Variants in DUSP29 observed in about 807,000 individuals in gnomAD.
DUSP29 encodes atypical dual-specific protein phosphatase.
DUSP29 carries 12 observed loss-of-function variants against 13.5 expected under a neutral mutation model. The observed-to-expected ratio is 0.89, with a 90% confidence interval of 0.57 to 1.44. DUSP29 has a LOEUF of 1.44. Ranked by LOEUF, DUSP29 falls within the 40% of genes most tolerant of loss-of-function variation. DUSP29 has a pLI of 0.00. For synonymous variants in DUSP29, 134 were observed against 128.7 expected (o/e 1.04, Z -0.28); for missense variants, 308 against 301.1 (o/e 1.02, Z -0.17).
chr10:75,041,536 C>T (rs751150882), intron 3 of DUSP29, among the ~76,000 whole-genome samples: 2 of 152,288 alleles, frequency 1.3e-5, no homozygotes, highest in African/African-American at 2.4e-5. Flanking sequence ...CACACCCCTC[C>T]GCTGTACATG....
At chr10:75,062,303 G>A (rs1433987940) in intron 1 of DUSP29, among the ~76,000 whole-genome samples, 4 of 152,228 alleles carry the variant, frequency 2.6e-5, no homozygotes, top group African/African-American at 9.6e-5. Context: ...AACCCTGCCT[G>A]CGGTTAATGG....
intron 3 of DUSP29, among the ~76,000 whole-genome samples, chr10:75,040,763 C>T (rs1289085572): frequency 6.6e-6 from 1 of 152,166 alleles, no homozygotes. Flanking sequence ...TTCTCTGGGC[C>T]TCTGTTTGCC....
At chr10:75,071,687 A>T (rs563706362) in intron 1 of DUSP29, among the ~76,000 whole-genome samples, 35 of 152,332 alleles carry the variant, frequency 2.3e-4, no homozygotes, top group Non-Finnish European at 2.6e-4. Flanking sequence ...GAGGAGGGCC[A>T]GGAAGTGCTG....
intron 2 of DUSP29, among the ~76,000 whole-genome samples, chr10:75,056,476 C>T (rs187627142): frequency 5.3e-5 from 8 of 150,128 alleles, no homozygotes; most frequent in Non-Finnish European, 8.9e-5. Flanking sequence ...TGCAGTGAGC[C>T]GAGATTGCGC....
intron 2 of DUSP29, among the ~76,000 whole-genome samples, chr10:75,048,346 C>CT (rs1054469619): frequency 2.0e-5 from 3 of 149,618 alleles, no homozygotes; most frequent in African/African-American, 7.4e-5. Context: ...TTTTTGTAAC[C>CT]TTTTTTTTAC....
chr10:75,072,456 TCTCCTCAGA>T (rs1395420791), intron 1 of DUSP29, among the ~76,000 whole-genome samples: 2 of 152,054 alleles, frequency 1.3e-5, no homozygotes, highest in Admixed American at 1.3e-4. Context: ...TCCCACTAAC[TCTCCTCAGA>T]CCCACCCCAT....
At chr10:75,064,232 G>A (rs953624683) in intron 1 of DUSP29, among the ~76,000 whole-genome samples, 36 of 151,858 alleles carry the variant, frequency 2.4e-4, no homozygotes, top group African/African-American at 8.2e-4. Context: ...TTTTGTAGCC[G>A]GGCACGGTGG....
At position 75,043,951 on chromosome 10, in the gene DUSP29, G is replaced by T. The variant is rs374490639; in HGVS notation, c.267C>A (p.His89Gln). 6.2e-7 allele frequency: 1 copy of T among 1,613,524 alleles called. No individual in the cohort carries two copies. The highest frequency in any genetic ancestry group is 2.2e-5 in the East Asian group (1 of 44,876). ...GCCCAGTGTCCACGTTCCAGCGGCC[G>T]TGGGCCGCGTTCAGCACGTGCGTGA... ...AGFTHVLNAA[H>Q]GRWNVDTGPD... The change falls in exon 3 of 4, where the codon CAC becomes CAA. Residue 89 changes from histidine (H) to glutamine (Q), a missense_variant. Transcript: ENST00000338487.
At chr10:75,040,336 G>C (rs536299531) in intron 3 of DUSP29, among the ~76,000 whole-genome samples, 5 of 152,284 alleles carry the variant, frequency 3.3e-5, no homozygotes, top group African/African-American at 1.2e-4. Flanking sequence ...GCAGGCCATG[G>C]ACTGCCAAAA....
intron 1 of DUSP29, among the ~76,000 whole-genome samples, chr10:75,073,049 C>T (rs11597189): frequency 6.6e-6 from 1 of 151,444 alleles, no homozygotes; most frequent in Admixed American, 6.6e-5. Flanking sequence ...CCCACCAGGA[C>T]TGAGAAATGC....
At chr10:75,058,290 A>G in intron 2 of DUSP29, 25 bp downstream of exon 2, 13 of 1,597,454 alleles carry the variant, frequency 8.1e-6, no homozygotes, top group Non-Finnish European at 1.1e-5. Flanking sequence ...CCTGCTCCCA[A>G]GCGAGCCTGG....
intron 3 of DUSP29, among the ~76,000 whole-genome samples, chr10:75,038,554 T>C (rs912243599): frequency 6.6e-6 from 1 of 152,164 alleles, no homozygotes; most frequent in African/African-American, 2.4e-5. Flanking sequence ...GCCCTGCTGA[T>C]AACCAAAGCG....
At chr10:75,063,298 G>A (rs1847128732) in intron 1 of DUSP29, among the ~76,000 whole-genome samples, 1 of 152,128 alleles carries the variant, frequency 6.6e-6, no homozygotes, top group Non-Finnish European at 1.5e-5. Flanking sequence ...TTCTTGCCCT[G>A]TTACAAGGAT....
At chr10:75,069,099 G>A (rs1847265426) in intron 1 of DUSP29, among the ~76,000 whole-genome samples, 1 of 152,148 alleles carries the variant, frequency 6.6e-6, no homozygotes, top group African/African-American at 2.4e-5. Flanking sequence ...TTCTCTGATG[G>A]TGTTGATGTC....
chr10:75,056,084 T>G (rs1226414620), intron 2 of DUSP29, among the ~76,000 whole-genome samples: 1 of 151,506 alleles, frequency 6.6e-6, no homozygotes, highest in Non-Finnish European at 1.5e-5. Context: ...GTTTTTTGTG[T>G]TTTTTTTGTA....
chr10:75,054,301 A>T (rs1846909351), intron 2 of DUSP29, among the ~76,000 whole-genome samples: 1 of 152,228 alleles, frequency 6.6e-6, no homozygotes, highest in Non-Finnish European at 1.5e-5. Context: ...TATAGAAAAA[A>T]CATTATGTGT....
At chr10:75,047,190 G>A (rs1254923755) in intron 2 of DUSP29, among the ~76,000 whole-genome samples, 1 of 152,232 alleles carries the variant, frequency 6.6e-6, no homozygotes, top group Non-Finnish European at 1.5e-5. Context: ...TGGACGGGAA[G>A]GGGAGTTGGT....
At chr10:75,063,915 T>TGATAACA (rs1847141182) in intron 1 of DUSP29, among the ~76,000 whole-genome samples, 1 of 152,142 alleles carries the variant, frequency 6.6e-6, no homozygotes, top group Non-Finnish European at 1.5e-5. Context: ...AAAGCTACCA[T>TGATAACA]GATAACAGAA....
At chr10:75,068,023 G>A (rs1042358449) in intron 1 of DUSP29, among the ~76,000 whole-genome samples, 100 of 152,224 alleles carry the variant, frequency 6.6e-4, no homozygotes, top group Non-Finnish European at 1.0e-3. Context: ...ATGTTGGCTA[G>A]GCTGGTCTTG....
Sources: gnomAD v4.1 joint callset for allele counts (sites outside exome capture counted in the v4.1 genomes callset) on GRCh38, gnomAD v4.1.1 for gene constraint, MANE v1.5 for transcripts, NCBI Gene and HGNC (gene_info 2026-07-23, HGNC 2026-07-21) for gene names.